The following SLC9C1 variants were observed in gnomAD, a reference collection of about 807,000 sequenced individuals.
The protein encoded by SLC9C1 is sodium/hydrogen exchanger 10.
A neutral mutation model predicts 140.9 loss-of-function variants in SLC9C1; 97 were observed. The ratio of observed to expected loss-of-function variants is 0.69; its 90% CI spans 0.58 to 0.82. The LOEUF is 0.82. SLC9C1 is among the 40% of genes least tolerant of loss of function. SLC9C1 has a pLI of 0.00. For missense variants in SLC9C1, 1,340 were observed against 1,389.3 expected (o/e 0.96, Z 0.56); for synonymous variants, 440 against 442.6 (o/e 0.99, Z 0.07).
intron 12 of SLC9C1, among the ~76,000 whole-genome samples, chr3:112,233,026 T>TAC (rs60551268): frequency 0.028 from 3,720 of 134,334 alleles, 79 homozygotes; most frequent in African/African-American, 0.034. Context: ...TTCACTTTCA[T>TAC]ACACACACAC....
At chr3:112,174,114 C>T (rs7648969) in intron 23 of SLC9C1, among the ~76,000 whole-genome samples, 1,740 of 152,206 alleles carry the variant, frequency 0.011, 40 homozygotes, top group African/African-American at 0.038. Flanking sequence ...ATATGGTTTG[C>T]CCACTTTTTA....
chr3:112,250,598 T>G (rs559141702), intron 10 of SLC9C1, among the ~76,000 whole-genome samples: 1 of 152,150 alleles, frequency 6.6e-6, no homozygotes, highest in Admixed American at 6.5e-5. Context: ...TTTTCACAAC[T>G]CAAAAAAGAA....
chr3:112,174,978 C>T (rs967944618), intron 23 of SLC9C1, among the ~76,000 whole-genome samples: 1 of 152,082 alleles, frequency 6.6e-6, no homozygotes, highest in Non-Finnish European at 1.5e-5. Flanking sequence ...AGCCTCTGGT[C>T]CCTACAGACT....
intron 23 of SLC9C1, 78 bp from the exon 24 acceptor site, chr3:112,169,406 C>A (rs866280027): frequency 1.5e-4 from 213 of 1,374,812 alleles, no homozygotes; most frequent in Middle Eastern, 2.4e-4. Context: ...TGTTTATGTA[C>A]ACTATTAAAG....
chr3:112,264,371 A>G (rs1200827897), intron 8 of SLC9C1, 28 bp from the exon 9 acceptor site: 3 of 1,255,860 alleles, frequency 2.4e-6, no homozygotes, highest in Non-Finnish European at 3.1e-6. Context: ...AATTAAAAAT[A>G]TTTATAATTA....
chr3:112,183,361 T>C (rs1257324236), intron 20 of SLC9C1, among the ~76,000 whole-genome samples: 1 of 145,636 alleles, frequency 6.9e-6, no homozygotes. Context: ...TTTTTTTTTT[T>C]TTTTTTTTTC....
At chr3:112,272,860 G>A (rs750529633) in intron 6 of SLC9C1, among the ~76,000 whole-genome samples, 2 of 152,116 alleles carry the variant, frequency 1.3e-5, no homozygotes, top group Non-Finnish European at 2.9e-5. Context: ...TTCTCACATA[G>A]TACATATTAA....
intron 20 of SLC9C1, among the ~76,000 whole-genome samples, chr3:112,182,868 A>G (rs2077464146): frequency 6.6e-6 from 1 of 152,198 alleles, no homozygotes; most frequent in African/African-American, 2.4e-5. Context: ...GAAAGAATGT[A>G]CTTGTGTCTG....
intron 20 of SLC9C1, among the ~76,000 whole-genome samples, chr3:112,194,025 G>A (rs1235157729): frequency 6.6e-6 from 1 of 152,078 alleles, no homozygotes; most frequent in Non-Finnish European, 1.5e-5. Flanking sequence ...CCATGAGCAG[G>A]GTACACTCCA....
chr3:112,280,380 T>A (rs2080324657), intron 3 of SLC9C1, among the ~76,000 whole-genome samples: 3 of 152,172 alleles, frequency 2.0e-5, no homozygotes, highest in Admixed American at 2.0e-4. Flanking sequence ...TAGCCATTTT[T>A]TTCCCAAGCT....
At chr3:112,254,930 C>T (rs962163511) in intron 10 of SLC9C1, among the ~76,000 whole-genome samples, 1 of 151,934 alleles carries the variant, frequency 6.6e-6, no homozygotes, top group Non-Finnish European at 1.5e-5. Context: ...AGGAGTTAAA[C>T]AATCCTATTT....
chr3:112,174,817 T>C (rs2077306941), intron 23 of SLC9C1, among the ~76,000 whole-genome samples: 1 of 152,172 alleles, frequency 6.6e-6, no homozygotes, highest in Non-Finnish European at 1.5e-5. Flanking sequence ...CTGTCTTTGA[T>C]TGTGGTGATC....
chr3:112,236,016 A>G (rs1374370278), intron 12 of SLC9C1, among the ~76,000 whole-genome samples: 2 of 152,014 alleles, frequency 1.3e-5, no homozygotes, highest in Non-Finnish European at 1.5e-5. Context: ...CTCTTTTTCT[A>G]TTGATTGGAA....
chr3:112,270,186 C>T, intron 6 of SLC9C1, 109 bp from the exon 7 acceptor site: 1 of 1,125,962 alleles, frequency 8.9e-7, no homozygotes, highest in Non-Finnish European at 1.2e-6. Flanking sequence ...AATTAGCTAA[C>T]TGCCACAATG....
At position 112,262,943 on chromosome 3, in the gene SLC9C1, G is replaced by C; in HGVS notation, c.1178C>G (p.Ser393Cys). 6.4e-7 allele frequency: 1 copy of C among 1,574,356 alleles called. No individual in the cohort carries two copies. The highest frequency in any genetic ancestry group is 2.3e-5 in the East Asian group (1 of 43,474). ...LLAYSDLYFG[S>C]DKEKSQILFH... The stretch of plus-strand genomic sequence containing the variant: ...CTTTACTTGAGATTTTTCTTTGTCA[G>C]ATCCAAAATAAAGATCAGAGTAGGC... Residue 393 changes from serine to cysteine, a missense_variant, in exon 10 of 29, where the codon TCT becomes TGT. Transcript: ENST00000305815.
intron 14 of SLC9C1, among the ~76,000 whole-genome samples, chr3:112,217,804 T>C (rs1370436349): frequency 6.6e-6 from 1 of 152,142 alleles, no homozygotes; most frequent in African/African-American, 2.4e-5. Flanking sequence ...AATAGAGATT[T>C]CAAGGTTCAG....
At chr3:112,238,477 C>T (rs894324943) in intron 12 of SLC9C1, among the ~76,000 whole-genome samples, 4 of 152,192 alleles carry the variant, frequency 2.6e-5, no homozygotes, top group African/African-American at 9.7e-5. Flanking sequence ...ATTCTCTGTC[C>T]AGCTTTTTTC....
intron 20 of SLC9C1, among the ~76,000 whole-genome samples, chr3:112,191,996 G>A (rs946253771): frequency 3.3e-5 from 5 of 150,406 alleles, no homozygotes; most frequent in Non-Finnish European, 1.5e-5. Flanking sequence ...TTCACTATTT[G>A]ATTATTATGG....
In SLC9C1 at chr3:112,283,301, A is replaced by T. The variant is rs545125173; in HGVS notation, c.89-2518T>A. On this transcript the variant is annotated intron_variant, in intron 2 of 28. Coordinates refer to ENST00000305815, the MANE Select transcript of SLC9C1 (RefSeq NM_183061.3). ...AGTTCCAGACTAGTCCTGGCAACAA[A>T]ATGAAATCCTGTCTCTACAAAAAAT... Among the ~76,000 whole-genome samples, 5 of 152,182 alleles carry T rather than the reference A, an allele frequency of 3.3e-5. No homozygotes were observed. In the East Asian group the frequency reaches 7.7e-4, roughly 24 times the overall value.
Sources: gnomAD v4.1 joint callset for allele counts (sites outside exome capture counted in the v4.1 genomes callset) on GRCh38, gnomAD v4.1.1 for gene constraint, MANE v1.5 for transcripts, NCBI Gene and HGNC (gene_info 2026-07-23, HGNC 2026-07-21) for gene names.